The following GLS variants were observed in gnomAD, a reference collection of about 807,000 sequenced individuals.
GLS encodes the protein glutaminase kidney isoform, mitochondrial.
In GLS, 36 loss-of-function variants were observed where a neutral mutation model predicts 86.7. The ratio of observed to expected loss-of-function variants is 0.42; its 90% CI spans 0.32 to 0.55. GLS has a LOEUF of 0.55. Ranked by LOEUF, GLS falls within the 20% of genes least tolerant of loss-of-function variation. GLS has a pLI of 0.17. For missense variants in GLS, 528 were observed against 833.4 expected, an observed-to-expected ratio of 0.63 and a Z score of 4.51; for synonymous variants, 317 against 305.9, an observed-to-expected ratio of 1.04 and a Z score of -0.38.
At chr2:190,912,751 C>T (rs865869733) in intron 7 of GLS, among the ~76,000 whole-genome samples, 2 of 152,156 alleles carry the variant, frequency 1.3e-5, no homozygotes, top group Non-Finnish European at 2.9e-5. Context: ...TGCCATTTCT[C>T]TTGATGACAT....
rs989667891 is a variant in GLS, at chr2:190,927,983, T to C, written c.1425+501T>C. Among the ~76,000 whole-genome samples the C allele has an allele frequency of 5.3e-5, 8 of 152,100 alleles. No individual in the cohort carries two copies. The South Asian group carries it at 6.2e-4, about 12-fold the overall frequency. On this transcript the variant is annotated intron_variant, in intron 12 of 17. Coordinates refer to ENST00000320717, the MANE Select transcript of GLS (RefSeq NM_014905.5). ...TTTATTTCATTCTGCTCATGTCAAGTCATAATGCCCTTCTAAAAGCTTTTT... is the reference window on the plus strand; with the variant it reads ...TTTATTTCATTCTGCTCATGTCAAGCCATAATGCCCTTCTAAAAGCTTTTT...
chr2:190,924,212 A>G lies in GLS; in HGVS notation c.1197+229A>G, dbSNP rs557886275. Among the ~76,000 whole-genome samples the G allele has an allele frequency of 1.3e-5, 2 of 152,320 alleles. No homozygotes were observed. The highest frequency in any genetic ancestry group is 4.1e-4 in the South Asian group (2 of 4,832). On this transcript the variant is annotated intron_variant, in intron 10 of 17. Coordinates refer to ENST00000320717, the MANE Select transcript of GLS (RefSeq NM_014905.5). This position sits in a 1 kb window ranked among gnomAD's most constrained non-coding sequence, Gnocchi z 5.2. ...TATTTGACTCATATTATTTATTAAT[A>G]CAAATTTTGTTTGAGGTTTAGTCTA...
In GLS at chr2:190,963,296, T is replaced by TTATGGTGATGA; in HGVS notation, c.*312_*322dup. ...TATTTGTGTTTTGTGAATTTTCAAT[T>TTATGGTGATGA]TATGGTGATGATCTGCTGATATGCA... On this transcript the variant is annotated 3_prime_UTR_variant, in exon 18 of 18. Transcript: ENST00000320717. The TTATGGTGATGA allele has an allele frequency of 4.5e-6, 1 of 219,806 alleles. No homozygotes were observed. Among genetic ancestry groups the TTATGGTGATGA allele is most frequent in the South Asian group, 8.0e-5 (1 of 12,444 alleles). 13.6% of individuals were successfully genotyped at this position (219,806 alleles called of 1,614,324 possible). A position where few individuals can be genotyped will look rare whatever the true frequency, so the allele number is the denominator to read the frequency against.
rs1690810682 is a variant in GLS at position 190,954,554 on chromosome 2, T to C, written c.1713-30T>C. On this transcript the variant is annotated intron_variant, in intron 15 of 17. Coordinates refer to ENST00000320717, the MANE Select transcript of GLS (RefSeq NM_014905.5). This position sits in a 1 kb window ranked among gnomAD's most constrained non-coding sequence, Gnocchi z 4.0. Reference sequence around the variant, plus strand: ...GTGTGAATTAAATTTGCTTTATATATAATAAATAGCTGTGCTTACACATTT... The same window carrying C: ...GTGTGAATTAAATTTGCTTTATATACAATAAATAGCTGTGCTTACACATTT... The C allele has an allele frequency of 4.7e-6, 7 of 1,492,692 alleles. No homozygotes were observed. The highest frequency in any genetic ancestry group is 6.5e-6 in the Non-Finnish European group (7 of 1,076,784). The allele number at this position is 1,492,692 out of a possible 1,614,324, so 92.5% of individuals were successfully genotyped here. A position where few individuals can be genotyped will look rare whatever the true frequency, so the allele number is the denominator to read the frequency against.
rs201753932 is a variant in GLS, at chr2:190,900,529, A to C, written c.606-35A>C. 6.4e-5 allele frequency: 85 copies of C among 1,332,460 alleles called. No homozygotes were observed. In the African/African-American group the frequency reaches 8.0e-4, roughly 13 times the overall value. 82.5% of individuals were successfully genotyped at this position (1,332,460 alleles called of 1,614,324 possible). On this transcript the variant is annotated intron_variant, in intron 3 of 17. Coordinates refer to ENST00000320717, the MANE Select transcript of GLS (RefSeq NM_014905.5). The stretch of plus-strand genomic sequence containing the variant: ...TACCAAGTTCTGATATTTGAAATGT[A>C]CCCAGTTTATTAATTATCTTTTTAC...
At position 190,920,286 on chromosome 2, in the gene GLS, A is replaced by G. The variant is rs1409114518; in HGVS notation, c.1039-738A>G. Reference sequence around the variant, plus strand: ...CATTTGGCTACTTGAACTGATCTACATTACATAGATTTTTCCTATTGACAT... The same window carrying G: ...CATTTGGCTACTTGAACTGATCTACGTTACATAGATTTTTCCTATTGACAT... On this transcript the variant is annotated intron_variant, in intron 7 of 17. Transcript: ENST00000320717. The surrounding 1 kb of genome is among the most constrained non-coding windows in gnomAD (Gnocchi z 4.2). 3 of 151,896 alleles carry G rather than the reference A, an allele frequency of 2.0e-5. No individual in the cohort carries two copies. The East Asian group carries it at 5.8e-4, about 29-fold the overall frequency. The allele number at this position is 151,896 out of a possible 1,614,324, so 9.4% of individuals were successfully genotyped here. A position where few individuals can be genotyped will look rare whatever the true frequency, so the allele number is the denominator to read the frequency against.
At position 190,921,581 on chromosome 2, in the gene GLS, C is replaced by A. The variant is rs1689737663; in HGVS notation, c.1130+378C>A. ...TTATATTTTCTAATATTTTGTCTTA[C>A]TTGCTTTTTCTCAATCTCTGTCTCT... On this transcript the variant is annotated intron_variant, in intron 9 of 17. Coordinates refer to ENST00000320717, the MANE Select transcript of GLS (RefSeq NM_014905.5). This position sits in a 1 kb window ranked among gnomAD's most constrained non-coding sequence, Gnocchi z 4.2. Among the ~76,000 whole-genome samples the A allele has an allele frequency of 6.6e-6, 1 of 151,808 alleles. No individual in the cohort carries two copies.
At chr2:190,946,835 C>G (rs973147015) in intron 14 of GLS, among the ~76,000 whole-genome samples, 7 of 152,134 alleles carry the variant, frequency 4.6e-5, no homozygotes, top group African/African-American at 1.7e-4. Context: ...AATCTGAGAT[C>G]TATTAAGGAC....
intron 12 of GLS, among the ~76,000 whole-genome samples, chr2:190,929,408 A>G (rs938142054): frequency 2.0e-5 from 3 of 152,140 alleles, no homozygotes; most frequent in African/African-American, 4.8e-5. Flanking sequence ...TGTAACTGCT[A>G]TAATTCCTTA....
rs1262929860 is a variant in GLS at position 190,955,853 on chromosome 2, A to G, written c.1853+1035A>G. 1.3e-5 allele frequency among the ~76,000 whole-genome samples: 2 copies of G among 152,050 alleles called. No homozygotes were observed. Among genetic ancestry groups the G allele is most frequent in the Non-Finnish European group, 2.9e-5 (2 of 68,012 alleles). ...GAGATGGTATCTCATTGTGGTTTTG[A>G]TTTGCATTTCTCTAATGACCAGTGA... On this transcript the variant is annotated intron_variant, in intron 17 of 17. Coordinates refer to ENST00000320717, the MANE Select transcript of GLS (RefSeq NM_014905.5). This position sits in a 1 kb window ranked among gnomAD's most constrained non-coding sequence, Gnocchi z 5.6.
At chr2:190,928,723 T>TA (rs397871594) in intron 12 of GLS, among the ~76,000 whole-genome samples, 44 of 150,724 alleles carry the variant, frequency 2.9e-4, no homozygotes, top group Non-Finnish European at 2.2e-4. Context: ...TTTTTTTTTT[T>TA]AAATCTATTG....
chr2:190,923,876 A>T (rs1486713558), intron 9 of GLS, 41 bp from the exon 10 acceptor site: 1 of 1,207,698 alleles, frequency 8.3e-7, no homozygotes, highest in South Asian at 1.3e-5. Context: ...CACACTTTTA[A>T]AGAAAGTACA....
intron 6 of GLS, among the ~76,000 whole-genome samples, chr2:190,907,247 T>TG (rs1689180402): frequency 1.3e-5 from 2 of 149,004 alleles, no homozygotes; most frequent in South Asian, 4.3e-4. Context: ...ACAGTAGTTT[T>TG]TTTTTTTTTT....
Position 190,924,447 on chromosome 2 carries a change from G to A in GLS, c.1198-96G>A. ...TACATGCTATTTTATTAATTAAAAT[G>A]AAACACTTGTGTACATTTGAAATTT... On this transcript the variant is annotated intron_variant, in intron 10 of 17. Transcript: ENST00000320717. The surrounding 1 kb of genome is among the most constrained non-coding windows in gnomAD (Gnocchi z 5.2). The A allele has an allele frequency of 1.4e-6, 1 of 727,102 alleles. No individual in the cohort carries two copies. 45.0% of individuals were successfully genotyped at this position (727,102 alleles called of 1,614,324 possible).
At chr2:190,898,178 G>A (rs1688812246) in intron 3 of GLS, among the ~76,000 whole-genome samples, 1 of 151,848 alleles carries the variant, frequency 6.6e-6, no homozygotes. Context: ...TCATTTGTAT[G>A]TTTGATTTTC....
chr2:190,939,284 T>C (rs1027743814), intron 14 of GLS, among the ~76,000 whole-genome samples: 1 of 151,694 alleles, frequency 6.6e-6, no homozygotes, highest in Non-Finnish European at 1.5e-5. Context: ...ACTGTGTGTA[T>C]TGAGTTCTTG....
chr2:190,904,114 C>G (rs1217047886), intron 5 of GLS, among the ~76,000 whole-genome samples: 1 of 151,728 alleles, frequency 6.6e-6, no homozygotes, highest in Non-Finnish European at 1.5e-5. Flanking sequence ...GAACTTAGTG[C>G]CAGCTCTGTC....
Position 190,963,125 on chromosome 2 carries a change from G to T in GLS, c.*139G>T. On this transcript the variant is annotated 3_prime_UTR_variant, in exon 18 of 18. Transcript: ENST00000320717. ...GTGTTACTGGAGTTTTCTTCATTGTGCACACAGGACAAATCTGATCTCTTT... is the reference window on the plus strand; with the variant it reads ...GTGTTACTGGAGTTTTCTTCATTGTTCACACAGGACAAATCTGATCTCTTT... 2 of 611,352 alleles carry T rather than the reference G, an allele frequency of 3.3e-6. No individual in the cohort carries two copies. Among genetic ancestry groups the T allele is most frequent in the Non-Finnish European group, 5.5e-6 (2 of 362,012 alleles). The allele number at this position is 611,352 out of a possible 1,614,324, so 37.9% of individuals were successfully genotyped here. A position where few individuals can be genotyped will look rare whatever the true frequency, so the allele number is the denominator to read the frequency against.
rs1224825339 is a variant in GLS, at chr2:190,964,534, C to CT, written c.*1549dup. 3 of 152,214 alleles carry CT rather than the reference C, an allele frequency of 2.0e-5. No homozygotes were observed. The highest frequency in any genetic ancestry group is 4.4e-5 in the Non-Finnish European group (3 of 68,060). 9.4% of individuals were successfully genotyped at this position (152,214 alleles called of 1,614,324 possible). A position where few individuals can be genotyped will look rare whatever the true frequency, so the allele number is the denominator to read the frequency against. On this transcript the variant is annotated 3_prime_UTR_variant, in exon 18 of 18. Coordinates refer to ENST00000320717, the MANE Select transcript of GLS (RefSeq NM_014905.5). This position sits in a 1 kb window ranked among gnomAD's most constrained non-coding sequence, Gnocchi z 5.2. ...AGGTGCTTTCATTTTCACTTCCAGTCTAAGCCAGTGGCTCCTGCCACTGCC... is the reference window on the plus strand; with the variant it reads ...AGGTGCTTTCATTTTCACTTCCAGTCTTAAGCCAGTGGCTCCTGCCACTGCC...
Sources: allele counts gnomAD v4.1 joint callset (sites outside exome capture counted in the v4.1 genomes callset), GRCh38; gene constraint gnomAD v4.1.1; non-coding constraint Gnocchi (gnomAD v3.1); transcripts MANE v1.5; gene names NCBI Gene and HGNC (gene_info 2026-07-23, HGNC 2026-07-21).